Variants in TACC1 observed in about 807,000 individuals in gnomAD.
TACC1 encodes the protein transforming acidic coiled-coil containing protein 1, also known as transforming acidic coiled-coil-containing protein 1.
TACC1 carries 48 observed loss-of-function variants against 84.4 expected under a neutral mutation model. The ratio of observed to expected loss-of-function variants is 0.57; its 90% confidence interval spans 0.45 to 0.72. The LOEUF (loss-of-function observed/expected upper bound fraction) is 0.72, where lower values mean the gene tolerates loss of function less well. Ranked by LOEUF, TACC1 falls within the 30% of genes least tolerant of loss-of-function variation. TACC1 has a pLI of 0.00. For synonymous variants in TACC1, 372 were observed against 376.3 expected, an observed-to-expected ratio of 0.99 and a Z score of 0.13; for missense variants, 920 against 973.0, an observed-to-expected ratio of 0.95 and a Z score of 0.72.
intron 3 of TACC1, 129 bp from the exon 4 acceptor site, chr8:38,825,179 G>A (rs1229626715): frequency 1.3e-5 from 12 of 928,278 alleles, no homozygotes; most frequent in South Asian, 9.7e-5. Flanking sequence ...CTCCTGCGGC[G>A]ATGTATGATT....
intron 2 of TACC1, among the ~76,000 whole-genome samples, chr8:38,818,288 T>A (rs948780084): frequency 1.3e-5 from 2 of 152,330 alleles, no homozygotes; most frequent in African/African-American, 4.8e-5. Context: ...TTGACTCTGA[T>A]CCTGGATTAG....
chr8:38,817,795 A>G (rs978110146), intron 2 of TACC1, among the ~76,000 whole-genome samples: 6 of 151,894 alleles, frequency 4.0e-5, no homozygotes, highest in Non-Finnish European at 7.4e-5. Context: ...TAAAAAAGCT[A>G]TTCCAAATCC....
intron 3 of TACC1, among the ~76,000 whole-genome samples, chr8:38,751,303 A>G (rs1442404806): frequency 6.6e-6 from 1 of 152,226 alleles, no homozygotes; most frequent in Non-Finnish European, 1.5e-5. Context: ...TCATCTTAAA[A>G]TGGGATGTGC....
chr8:38,827,422 T>A (rs769953684), intron 5 of TACC1, 47 bp downstream of exon 5: 2 of 1,593,200 alleles, frequency 1.3e-6, no homozygotes, highest in South Asian at 2.2e-5. Flanking sequence ...AGCATGGAAA[T>A]GCCTGAAAGC....
intron 3 of TACC1, among the ~76,000 whole-genome samples, chr8:38,780,203 A>G (rs569462447): frequency 5.9e-4 from 90 of 152,172 alleles, no homozygotes; most frequent in Non-Finnish European, 1.2e-4. Flanking sequence ...CAATGGTTCG[A>G]TTTTTATTAT....
intron 2 of TACC1, among the ~76,000 whole-genome samples, chr8:38,809,551 G>C (rs925194611): frequency 4.6e-5 from 7 of 152,128 alleles, no homozygotes; most frequent in Non-Finnish European, 1.0e-4. Flanking sequence ...ATGATGGAGA[G>C]AGGAGGAAGA....
intron 3 of TACC1, among the ~76,000 whole-genome samples, chr8:38,769,489 G>C (rs1324092124): frequency 8.8e-5 from 13 of 147,168 alleles, no homozygotes; most frequent in African/African-American, 3.0e-4. Context: ...GGGTATGGGT[G>C]AGGGTATGTG....
chr8:38,786,945 G>T (rs1230855962), upstream of TACC1, among the ~76,000 whole-genome samples: 1 of 152,010 alleles, frequency 6.6e-6, no homozygotes, highest in Non-Finnish European at 1.5e-5. Context: ...AAGGAAAGAG[G>T]AAGAGGACAG....
In TACC1 at chr8:38,838,488, G is replaced by T. The variant is rs751716685; in HGVS notation, c.1858G>T (p.Glu620Ter). 6.2e-7 allele frequency: 1 copy of T among 1,613,636 alleles called. No individual in the cohort carries two copies. The highest frequency in any genetic ancestry group is 1.7e-5 in the Admixed American group (1 of 60,012). ...ACTCTAGATAATTACTAAAGAGATT[G>T]AAGCAAATGAATGGAAGAAGAAATA... ...IREEIITKEI[E>*]ANEWKKKYEE... Residue 620 changes from glutamate (E) to a stop codon, truncating the protein, a stop_gained, in exon 8 of 13, where the codon GAA (glutamate) becomes TAA (stop). Coordinates refer to ENST00000317827, the MANE Select transcript of TACC1 (RefSeq NM_006283.3). LOFTEE classifies it high-confidence loss of function.
chr8:38,757,299 A>T, intron 3 of TACC1: 1 of 1,255,706 alleles, frequency 8.0e-7, no homozygotes, highest in Non-Finnish European at 1.0e-6. Flanking sequence ...CGCCCAGCAC[A>T]GGAGGGTGCA....
intron 1 of TACC1, chr8:38,788,483 T>TGGAG: frequency 2.1e-6 from 1 of 467,176 alleles, no homozygotes; most frequent in Non-Finnish European, 3.8e-6. Context: ...CTCCAGGGAA[T>TGGAG]GGAGGAGCTT....
At chr8:38,729,067 C>A (rs1398215488) in intron 1 of TACC1, among the ~76,000 whole-genome samples, 1 of 139,480 alleles carries the variant, frequency 7.2e-6, no homozygotes, top group Non-Finnish European at 1.6e-5. Context: ...GTCATAAATA[C>A]CTTCATCTGG....
chr8:38,799,251 G>A (rs1179953581), intron 2 of TACC1, among the ~76,000 whole-genome samples: 1 of 152,260 alleles, frequency 6.6e-6, no homozygotes. Context: ...CGTTAGCCTA[G>A]AGCTGAGCTG....
intron 3 of TACC1, among the ~76,000 whole-genome samples, chr8:38,766,720 T>A (rs1812323296): frequency 6.6e-6 from 1 of 152,336 alleles, no homozygotes; most frequent in East Asian, 1.9e-4. Flanking sequence ...ATGGATCCCA[T>A]GAAATAGACA....
At chr8:38,767,819 C>G (rs1812535955) in intron 3 of TACC1, among the ~76,000 whole-genome samples, 1 of 152,152 alleles carries the variant, frequency 6.6e-6, no homozygotes, top group African/African-American at 2.4e-5. Context: ...AATCCCAACA[C>G]TTTGGGAGTC....
At chr8:38,756,034 C>T (rs1216139945) in intron 3 of TACC1, among the ~76,000 whole-genome samples, 1 of 151,912 alleles carries the variant, frequency 6.6e-6, no homozygotes, top group Admixed American at 6.6e-5. Context: ...AGGCTGGTCT[C>T]TAACTCCTGA....
intron 8 of TACC1, chr8:38,839,679 G>A (rs1336446683): frequency 2.0e-5 from 4 of 204,650 alleles, no homozygotes; most frequent in African/African-American, 6.8e-5. Flanking sequence ...TGGGTCAGAA[G>A]GACATTGTCA....
chr8:38,830,654 G>A (rs1052791778), intron 5 of TACC1, among the ~76,000 whole-genome samples: 1 of 152,186 alleles, frequency 6.6e-6, no homozygotes, highest in Non-Finnish European at 1.5e-5. Context: ...AGGGGTGGAG[G>A]GGAGAATGAG....
chr8:38,843,269 C>G lies in TACC1; in HGVS notation c.2122-20C>G. On this transcript the variant is annotated intron_variant, in intron 10 of 12. Transcript: ENST00000317827. ...AGAAACAAAATGACCTGTTTATTTT[C>G]AATTTTTGCTTTGGAACAGAATGAA... 6.6e-7 allele frequency: 1 copy of G among 1,522,116 alleles called. No individual in the cohort carries two copies. Among genetic ancestry groups the G allele is most frequent in the Non-Finnish European group, 8.8e-7 (1 of 1,131,988 alleles). The allele number at this position is 1,522,116 out of a possible 1,614,324, so 94.3% of individuals were successfully genotyped here.
Sources: gnomAD v4.1 joint callset for allele counts (sites outside exome capture counted in the v4.1 genomes callset) on GRCh38, gnomAD v4.1.1 for gene constraint, MANE v1.5 for transcripts, NCBI Gene and HGNC (gene_info 2026-07-23, HGNC 2026-07-21) for gene names.